Variants in RUNX1T1 observed in about 807,000 individuals in gnomAD.
RUNX1T1 encodes protein CBFA2T1.
A neutral mutation model predicts 62.8 loss-of-function variants in RUNX1T1; 4 were observed. The ratio of observed to expected loss-of-function variants is 0.06; its 90% CI spans 0.03 to 0.15. The LOEUF is 0.15. Among genes scored for constraint, RUNX1T1 ranks in the 10% least tolerant of loss-of-function variants. The probability of loss-of-function intolerance (pLI) is 1.00; values close to 1 mark genes in which losing one functional copy is unlikely to be tolerated. For missense variants in RUNX1T1, 508 were observed against 754.3 expected (o/e 0.67, Z 3.82); for synonymous variants, 291 against 286.0 (o/e 1.02, Z -0.18).
chr8:92,076,097 G>A (rs1399418635), exon 2 of RUNX1T1: 1 of 1,587,576 alleles, frequency 6.3e-7, no homozygotes, highest in South Asian at 1.2e-5. Context: ...TTTTCTGACT[G>A]GGACAGAGAT....
At chr8:91,968,050 A>G (rs1253363328) in intron 10 of RUNX1T1, among the ~76,000 whole-genome samples, 1 of 152,194 alleles carries the variant, frequency 6.6e-6, no homozygotes, top group East Asian at 1.9e-4. Context: ...CCATTCCTTA[A>G]GAAGAAATGG....
intron 1 of RUNX1T1, among the ~76,000 whole-genome samples, chr8:92,035,176 T>C (rs965887221): frequency 6.6e-6 from 1 of 151,564 alleles, no homozygotes; most frequent in Non-Finnish European, 1.5e-5. Flanking sequence ...GCACCTGTAA[T>C]CCCAGCTACT....
intron 1 of RUNX1T1, among the ~76,000 whole-genome samples, chr8:92,055,292 T>A (rs1282278595): frequency 6.6e-6 from 1 of 152,188 alleles, no homozygotes; most frequent in African/African-American, 2.4e-5. Context: ...CTCTATGTAG[T>A]AAGTAGTTAA....
intron 1 of RUNX1T1, among the ~76,000 whole-genome samples, chr8:92,091,739 TACTGA>T (rs1837058171): frequency 6.6e-6 from 1 of 152,224 alleles, no homozygotes; most frequent in Admixed American, 6.5e-5. Context: ...TGACATGCCA[TACTGA>T]ACTGTTCTTT....
At chr8:91,971,932 T>A (rs897695887) in intron 9 of RUNX1T1, among the ~76,000 whole-genome samples, 2 of 152,206 alleles carry the variant, frequency 1.3e-5, no homozygotes, top group African/African-American at 4.8e-5. Flanking sequence ...TCCCCCTGAA[T>A]TAGTTTATCT....
chr8:92,072,203 T>C (rs113441966), intron 2 of RUNX1T1, among the ~76,000 whole-genome samples: 1 of 152,302 alleles, frequency 6.6e-6, no homozygotes, highest in African/African-American at 2.4e-5. Context: ...AAGAAATAAA[T>C]GATTTTGATA....
intron 1 of RUNX1T1, among the ~76,000 whole-genome samples, chr8:92,096,565 G>T (rs2130941933): frequency 6.6e-6 from 1 of 152,272 alleles, no homozygotes; most frequent in East Asian, 1.9e-4. Context: ...AGCAAAGGAG[G>T]TTATTTTATT....
At chr8:91,955,164 TG>T (rs1218498543), downstream of RUNX1T1, 1 of 216,132 alleles carries the variant, frequency 4.6e-6, no homozygotes, top group African/African-American at 2.3e-5. Flanking sequence ...GTCCACCACC[TG>T]GAAGTCTCAT....
chr8:92,081,306 T>C, intron 1 of RUNX1T1: 3 of 880,794 alleles, frequency 3.4e-6, no homozygotes, highest in South Asian at 5.2e-5. Flanking sequence ...AGAAAAGAGG[T>C]AGTACCTATT....
exon 2 of RUNX1T1, chr8:92,076,073 A>G (rs1587496646): frequency 6.2e-7 from 1 of 1,606,796 alleles, no homozygotes; most frequent in Non-Finnish European, 8.5e-7. Flanking sequence ...TCGCTCTGCT[A>G]ATTTCCTCTC....
intron 1 of RUNX1T1, chr8:92,094,937 TC>T: frequency 1.1e-6 from 1 of 909,382 alleles, no homozygotes; most frequent in Admixed American, 2.5e-5. Context: ...CAATAAATAA[TC>T]TATTGTTCCC....
At chr8:92,034,530 T>C (rs1826880570) in intron 1 of RUNX1T1, among the ~76,000 whole-genome samples, 1 of 152,014 alleles carries the variant, frequency 6.6e-6, no homozygotes, top group Non-Finnish European at 1.5e-5. Context: ...GAACGAAAGA[T>C]ATGCATTTAA....
intron 1 of RUNX1T1, among the ~76,000 whole-genome samples, chr8:92,059,787 A>C (rs1831608126): frequency 6.6e-6 from 1 of 152,188 alleles, no homozygotes; most frequent in African/African-American, 2.4e-5. Flanking sequence ...GAGATGTCTT[A>C]AGTAAAACCA....
chr8:91,999,816 T>G (rs1007213200), intron 5 of RUNX1T1, among the ~76,000 whole-genome samples: 1 of 152,188 alleles, frequency 6.6e-6, no homozygotes, highest in Non-Finnish European at 1.5e-5. Context: ...CATGAGGTAT[T>G]AATAGAATTA....
At chr8:92,058,235 A>C (rs186194615) in intron 1 of RUNX1T1, among the ~76,000 whole-genome samples, 1 of 152,152 alleles carries the variant, frequency 6.6e-6, no homozygotes, top group East Asian at 1.9e-4. Context: ...GCAACCTACA[A>C]ATGTCTACTA....
Position 92,034,085 on chromosome 8 carries a change from G to C in RUNX1T1, c.8-16722C>G, listed in dbSNP as rs1826793427. On this transcript the variant is annotated intron_variant, in intron 1 of 10. Transcript: ENST00000396218. ...AAAAGGGAAGAGAAGGGGTTAAAGA[G>C]GCGGAGTTATCTATAGCGGTTGGAG... is the stretch of plus-strand genomic sequence containing the variant. 2.0e-5 allele frequency among the ~76,000 whole-genome samples: 3 copies of C among 152,136 alleles called. No homozygotes were observed. In the South Asian group the frequency reaches 6.2e-4, roughly 31 times the overall value.
intron 1 of RUNX1T1, among the ~76,000 whole-genome samples, chr8:92,061,005 A>T (rs1032101357): frequency 1.3e-5 from 2 of 152,178 alleles, no homozygotes; most frequent in Non-Finnish European, 2.9e-5. Context: ...TAACAACAAC[A>T]CTAAAACAAA....
chr8:92,027,850 C>T (rs1825505676), intron 1 of RUNX1T1, among the ~76,000 whole-genome samples: 1 of 152,026 alleles, frequency 6.6e-6, no homozygotes, highest in Admixed American at 6.6e-5. Flanking sequence ...ATGTTTGGCT[C>T]ATCTCCATAC....
chr8:92,067,296 G>C (rs1439555992), upstream of RUNX1T1, among the ~76,000 whole-genome samples: 6 of 152,176 alleles, frequency 3.9e-5, no homozygotes, highest in Non-Finnish European at 8.8e-5. Flanking sequence ...ATAGAACACA[G>C]TGGCCCATGG....
Sources: allele counts gnomAD v4.1 joint callset (sites outside exome capture counted in the v4.1 genomes callset), GRCh38; gene constraint gnomAD v4.1.1; transcripts MANE v1.5; gene names NCBI Gene and HGNC (gene_info 2026-07-23, HGNC 2026-07-21).